The following CD226 variants were observed in gnomAD, a reference collection of about 807,000 sequenced individuals.
CD226 encodes the protein CD226 molecule.
A neutral mutation model predicts 34.9 loss-of-function variants in CD226; 24 were observed. The ratio of observed to expected loss-of-function variants is 0.69; its 90% CI spans 0.50 to 0.97. The LOEUF (loss-of-function observed/expected upper bound fraction) is 0.97, where lower values mean the gene tolerates loss of function less well. CD226 is among the 50% of genes least tolerant of loss of function. The probability of loss-of-function intolerance (pLI) is 0.00; values close to 1 mark genes in which losing one functional copy is unlikely to be tolerated. For missense variants in CD226, 397 were observed against 412.7 expected (o/e 0.96, Z 0.33); for synonymous variants, 148 against 147.4 (o/e 1.00, Z -0.03).
chr18:69,959,025 C>A (rs1192966781), upstream of CD226, among the ~76,000 whole-genome samples: 1 of 152,118 alleles, frequency 6.6e-6, no homozygotes, highest in African/African-American at 2.4e-5. Flanking sequence ...GAACCCAAGA[C>A]TTAGCTTTGA....
At chr18:69,927,397 C>A (rs4422067) in intron 2 of CD226, among the ~76,000 whole-genome samples, 3,812 of 152,022 alleles carry the variant, frequency 0.025, 156 homozygotes, top group African/African-American at 0.086. Flanking sequence ...CAAACACACA[C>A]ACACACACAT....
chr18:69,890,505 G>C (rs561841512), intron 3 of CD226, among the ~76,000 whole-genome samples: 1 of 152,102 alleles, frequency 6.6e-6, no homozygotes, highest in African/African-American at 2.4e-5. Flanking sequence ...TAAGTCACTC[G>C]AGGGTAGCAA....
At chr18:69,916,582 G>A (rs1159635829) in intron 2 of CD226, among the ~76,000 whole-genome samples, 2 of 152,172 alleles carry the variant, frequency 1.3e-5, no homozygotes, top group African/African-American at 4.8e-5. Context: ...TTGTTTTCCT[G>A]ATGTTTAGAC....
Position 69,860,188 on chromosome 18 carries a change from A to G in CD226, c.*4126T>C, listed in dbSNP as rs1982742541. 6.6e-6 allele frequency: 1 copy of G among 152,230 alleles called. No individual in the cohort carries two copies. The highest frequency in any genetic ancestry group is 1.9e-4 in the East Asian group (1 of 5,200). 9.4% of individuals were successfully genotyped at this position (152,230 alleles called of 1,614,324 possible). On this transcript the variant is annotated 3_prime_UTR_variant, in exon 6 of 6. Transcript: ENST00000582621. Reference sequence around the variant, plus strand: ...TTCATCAGTTAATTTTATTCTGTAGAAATTTTTCCCTGCTATTTCTCCATG... The same window carrying G: ...TTCATCAGTTAATTTTATTCTGTAGGAATTTTTCCCTGCTATTTCTCCATG...
chr18:69,927,859 C>G (rs2055542490), intron 2 of CD226, among the ~76,000 whole-genome samples: 3 of 152,164 alleles, frequency 2.0e-5, no homozygotes, highest in Non-Finnish European at 4.4e-5. Flanking sequence ...GTTGCTTCTT[C>G]TTTTTAGCTG....
intron 1 of CD226, 36 bp downstream of exon 1, chr18:69,947,325 A>G (rs749781425): frequency 7.1e-7 from 1 of 1,410,746 alleles, no homozygotes; most frequent in South Asian, 1.3e-5. Context: ...AAACAGGAGC[A>G]AAACTTTTAA....
chr18:69,886,947 T>C (rs1415478388), intron 3 of CD226, among the ~76,000 whole-genome samples: 2 of 152,190 alleles, frequency 1.3e-5, no homozygotes, highest in African/African-American at 2.4e-5. Context: ...TGAAAGCCTA[T>C]GCCTGGCTAT....
intron 2 of CD226, among the ~76,000 whole-genome samples, chr18:69,914,263 G>A (rs144008870): frequency 1.4e-3 from 207 of 152,168 alleles, no homozygotes; most frequent in African/African-American, 4.8e-3. Flanking sequence ...TGAGATCTTC[G>A]ACTGCTTCAA....
chr18:69,941,112 G>C (rs2055718919), intron 2 of CD226, among the ~76,000 whole-genome samples: 4 of 152,254 alleles, frequency 2.6e-5, no homozygotes, highest in Non-Finnish European at 5.9e-5. Flanking sequence ...ACTGTGGTTT[G>C]AGAACCTCTG....
At chr18:69,869,640 G>A (rs904559957) in intron 4 of CD226, among the ~76,000 whole-genome samples, 4 of 152,028 alleles carry the variant, frequency 2.6e-5, no homozygotes, top group African/African-American at 9.7e-5. Flanking sequence ...TGCACATCCT[G>A]CACATGTATC....
rs148966003 is a variant in CD226, at chr18:69,946,991, A to G, written c.125T>C (p.Met42Thr). The G allele has an allele frequency of 3.6e-4, 588 of 1,614,210 alleles. 1 individual carries two copies. In the African/African-American group the frequency reaches 7.3e-3, roughly 20 times the overall value. Residue 42 changes from methionine (M) to threonine (T), a missense_variant, in exon 2 of 6, where the codon ATG becomes ACG. Coordinates refer to ENST00000582621, the MANE Select transcript of CD226 (RefSeq NM_001303618.2). ...NMSLECVYPSMGILTQVEWFK... is the reference protein window; with the variant it reads ...NMSLECVYPSTGILTQVEWFK... Reference sequence around the variant, plus strand: ...CCACTCCACCTGTGTTAAGATGCCCATTGATGGATACACACATTCTAGAGA... The same window carrying G: ...CCACTCCACCTGTGTTAAGATGCCCGTTGATGGATACACACATTCTAGAGA...
At position 69,867,388 on chromosome 18, in the gene CD226, T is replaced by C. The variant is rs775926136; in HGVS notation, c.854A>G (p.Asp285Gly). The C allele has an allele frequency of 5.0e-6, 8 of 1,587,122 alleles. No individual in the cohort carries two copies. The highest frequency in any genetic ancestry group is 6.9e-6 in the Non-Finnish European group (8 of 1,155,666). ...LNRRRRRERR[D>G]LFTESWDTQK... ...TGTATCCCAGGACTCTGTAAATAGATCTCTTCTCTCTCTCCTTCTCCTTCT... is the reference window on the plus strand; with the variant it reads ...TGTATCCCAGGACTCTGTAAATAGACCTCTTCTCTCTCTCCTTCTCCTTCT... Residue 285 changes from aspartate to glycine, a missense_variant, in exon 5 of 6, where the codon GAT (aspartate) becomes GGT (glycine). Coordinates refer to ENST00000582621, the MANE Select transcript of CD226 (RefSeq NM_001303618.2).
At chr18:69,949,869 CAT>C (rs1301680672), upstream of CD226, among the ~76,000 whole-genome samples, 8 of 152,046 alleles carry the variant, frequency 5.3e-5, no homozygotes, top group Admixed American at 4.6e-4. Flanking sequence ...TTATCACTCA[CAT>C]ATGCACACTG....
At position 69,858,736 on chromosome 18, in the gene CD226, TTTTTTTTTTTTG is replaced by T. The variant is rs1982687315; in HGVS notation, c.*5566_*5577del. The T allele has an allele frequency of 7.7e-6, 1 of 129,832 alleles. No homozygotes were observed. The highest frequency in any genetic ancestry group is 2.9e-5 in the African/African-American group (1 of 34,782). The allele number at this position is 129,832 out of a possible 1,614,324, so 8.0% of individuals were successfully genotyped here. On this transcript the variant is annotated 3_prime_UTR_variant, in exon 6 of 6. Transcript: ENST00000582621. ...TACTTAACTTTTTTTTTTTTTTTTT[TTTTTTTTTTTTG>T]AGACGGAGTCTCGCTCTGTTGCCCA...
At chr18:69,875,438 T>C (rs1185134935) in intron 3 of CD226, among the ~76,000 whole-genome samples, 1 of 152,232 alleles carries the variant, frequency 6.6e-6, no homozygotes, top group Non-Finnish European at 1.5e-5. Context: ...GCACCTGGCC[T>C]ATTTTTAATT....
At chr18:69,908,134 G>A (rs1424712785) in intron 2 of CD226, among the ~76,000 whole-genome samples, 1 of 152,076 alleles carries the variant, frequency 6.6e-6, no homozygotes, top group African/African-American at 2.4e-5. Context: ...GAATCCTACG[G>A]CTCTCTCTTT....
At chr18:69,936,786 TAA>T (rs2055659466) in intron 2 of CD226, among the ~76,000 whole-genome samples, 1 of 152,178 alleles carries the variant, frequency 6.6e-6, no homozygotes, top group African/African-American at 2.4e-5. Flanking sequence ...TTAAGAAAAT[TAA>T]AAGTGATAGA....
At chr18:69,961,423 C>T (rs749011709), upstream of CD226, among the ~76,000 whole-genome samples, 1 of 152,104 alleles carries the variant, frequency 6.6e-6, no homozygotes, top group Non-Finnish European at 1.5e-5. Context: ...CACTTATTGA[C>T]GGCACTCTGC....
rs79984686 is a variant in CD226, at chr18:69,878,175, T to C, written c.728-4929A>G. Reference sequence around the variant, plus strand: ...TTTCTTTAAAAAGGAAGCCCTTTTCTTTAAAAAAGAAGAATTGTTTCCAGA... The same window carrying C: ...TTTCTTTAAAAAGGAAGCCCTTTTCCTTAAAAAAGAAGAATTGTTTCCAGA... On this transcript the variant is annotated intron_variant, in intron 3 of 5. Transcript: ENST00000582621. Among the ~76,000 whole-genome samples, 42 of 152,350 alleles carry C rather than the reference T, an allele frequency of 2.8e-4. No individual in the cohort carries two copies. In the East Asian group the frequency reaches 7.1e-3, roughly 26 times the overall value.
Sources: gnomAD v4.1 joint callset for allele counts (sites outside exome capture counted in the v4.1 genomes callset) on GRCh38, gnomAD v4.1.1 for gene constraint, MANE v1.5 for transcripts, NCBI Gene and HGNC (gene_info 2026-07-23, HGNC 2026-07-21) for gene names.